The following DDX54 variants were observed in gnomAD, a reference collection of about 807,000 sequenced individuals.
DDX54 encodes DEAD-box helicase 54.
DDX54 carries 67 observed loss-of-function variants against 105.5 expected under a neutral mutation model. The observed-to-expected ratio is 0.64, with a 90% CI of 0.52 to 0.78. The LOEUF (loss-of-function observed/expected upper bound fraction) is 0.78, where lower values mean the gene tolerates loss of function less well. Among genes scored for constraint, DDX54 ranks in the 30% least tolerant of loss-of-function variants. The pLI is 0.00. For missense variants in DDX54, 1,206 were observed against 1,230.5 expected, an observed-to-expected ratio of 0.98 and a Z score of 0.30; for synonymous variants, 514 against 509.9, an observed-to-expected ratio of 1.01 and a Z score of -0.11.
At position 113,163,133 on chromosome 12, in the gene DDX54, C is replaced by T; in HGVS notation, c.2080G>A (p.Gly694Ser). Residue 694 changes from glycine (G) to serine (S), a missense_variant and splice_region_variant, in exon 16 of 20, where the codon GGC becomes AGC. Around this residue, in one of 3 missense-constraint regions of DDX54, gnomAD observed 961 missense variants for 1,019.1 expected, o/e 0.94. Coordinates refer to ENST00000306014, the MANE Select transcript of DDX54 (RefSeq NM_024072.4). The surrounding 1 kb of genome is among the most constrained non-coding windows in gnomAD (Gnocchi z 5.9). ...CCCAGGACCCAGCCAGCCACTCACC[C>T]CCGCTCGCTGTCAAAGTCCTTGGGC... The part of the protein sequence containing the change: ...YRPKDFDSER[G>S]LSISGEGGAF... 6.2e-7 allele frequency: 1 copy of T among 1,612,996 alleles called. No homozygotes were observed. The highest frequency in any genetic ancestry group is 8.5e-7 in the Non-Finnish European group (1 of 1,179,950).
At chr12:113,166,085 C>T in intron 12 of DDX54, 53 bp from the exon 13 acceptor site, 2 of 1,549,558 alleles carry the variant, frequency 1.3e-6, no homozygotes, top group Non-Finnish European at 1.7e-6. Context: ...CCCGCCTGTC[C>T]ACTGCCCGAC....
At chr12:113,172,273 A>T (rs1952349301) in intron 11 of DDX54, 80 bp downstream of exon 11, 20 of 1,488,910 alleles carry the variant, frequency 1.3e-5, no homozygotes, top group Non-Finnish European at 1.7e-5. Context: ...GTGCAGTGTC[A>T]AGAGTTAAGC....
In DDX54 at chr12:113,157,468, AC is replaced by A; in HGVS notation, c.*1408del. ...ATCTCAGTCACCACCTCTGGGAACC[AC>A]CATCATCACTGTTCTTTTAATGAGG... On this transcript the variant is annotated 3_prime_UTR_variant, in exon 20 of 20. Transcript: ENST00000306014. 1.4e-6 allele frequency: 1 copy of A among 715,184 alleles called. No individual in the cohort carries two copies. The highest frequency in any genetic ancestry group is 1.7e-5 in the South Asian group (1 of 58,010). The allele number at this position is 715,184 out of a possible 1,614,324, so 44.3% of individuals were successfully genotyped here.
chr12:113,181,095 G>A (rs1952461518), intron 1 of DDX54, 37 bp from the exon 2 acceptor site: 2 of 1,594,344 alleles, frequency 1.3e-6, no homozygotes. Context: ...GTCACTCCAG[G>A]CACAGTGGGA....
rs1351332692 is a variant in DDX54 at position 113,174,925 on chromosome 12, G to A, written c.886C>T (p.Pro296Ser). The change falls in exon 9 of 20, where the codon CCC (proline) becomes TCC (serine). Residue 296 changes from proline to serine, a missense_variant. This residue lies in a region of DDX54 where 961 missense variants were observed against 1,019.1 expected (regional missense o/e 0.94). Coordinates refer to ENST00000306014, the MANE Select transcript of DDX54 (RefSeq NM_024072.4). ...TCCACGTCAAGCCGGATGAGCACGG[G>A]CTCCGTGAGGCCTGCAGGAGACATG... is the stretch of plus-strand genomic sequence containing the variant. The part of the protein sequence containing the change: ...VEFARAGLTE[P>S]VLIRLDVDTK... 1.9e-6 allele frequency: 3 copies of A among 1,613,400 alleles called. No individual in the cohort carries two copies. The highest frequency in any genetic ancestry group is 2.2e-5 in the South Asian group (2 of 91,010).
At position 113,162,982 on chromosome 12, in the gene DDX54, C is replaced by T; in HGVS notation, c.2145G>A (p.Leu715=). Residue 715 remains leucine (L), a synonymous_variant, in exon 17 of 20, where the codon TTG becomes TTA. Transcript: ENST00000306014. ...TCAGGTTCTGGGCTTCATCCCCCAT[C>T]AAGTCCAGGACAGCGCCAGCTGCCT... is the stretch of plus-strand genomic sequence containing the variant. ...EQQAAGAVLD[L]MGDEAQNLTR... 1 of 1,608,966 alleles carries T rather than the reference C, an allele frequency of 6.2e-7. No individual in the cohort carries two copies. The highest frequency in any genetic ancestry group is 8.5e-7 in the Non-Finnish European group (1 of 1,179,782).
rs1319074655 is a variant in DDX54 at position 113,181,215 on chromosome 12, T to C, written c.175-157A>G. ...TTTTGCTAGTAAGTTCTCCTTTGGCTGGGCCAGGACAGAAGTTTAGAGTGG... is the reference window on the plus strand; with the variant it reads ...TTTTGCTAGTAAGTTCTCCTTTGGCCGGGCCAGGACAGAAGTTTAGAGTGG... On this transcript the variant is annotated intron_variant, in intron 1 of 19. Transcript: ENST00000306014. Among the ~76,000 whole-genome samples, 4 of 152,090 alleles carry C rather than the reference T, an allele frequency of 2.6e-5. 1 individual carries two copies. The highest frequency in any genetic ancestry group is 9.7e-5 in the African/African-American group (4 of 41,406).
At chr12:113,184,086 A>G (rs556406941) in intron 1 of DDX54, among the ~76,000 whole-genome samples, 1 of 152,314 alleles carries the variant, frequency 6.6e-6, no homozygotes, top group African/African-American at 2.4e-5. Flanking sequence ...AGCTGGGATT[A>G]CAGGCACATG....
chr12:113,174,779 G>C lies in DDX54; in HGVS notation c.937-8C>G. The C allele has an allele frequency of 5.0e-6, 8 of 1,614,004 alleles. No homozygotes were observed. The highest frequency in any genetic ancestry group is 6.8e-6 in the Non-Finnish European group (8 of 1,179,852). ...CACGAGGAAGAAGGAGGTCTGTGGG[G>C]AGAGGGCATCACGTGTTGGCTTACG... On this transcript the variant is annotated splice_region_variant and splice_polypyrimidine_tract_variant and intron_variant, in intron 9 of 19. Transcript: ENST00000306014.
rs199556550 is a variant in DDX54, at chr12:113,180,989, G to A, written c.244C>T (p.Arg82Trp). The A allele has an allele frequency of 1.7e-5, 27 of 1,613,578 alleles. No individual in the cohort carries two copies. Among genetic ancestry groups the A allele is most frequent in the Admixed American group, 6.7e-5 (4 of 59,938 alleles). ...ECTSDVEPDT[R>W]EMVRAQNKKK... is the part of the protein sequence containing the mutation. ...TTGTTCTGGGCACGCACCATCTCCC[G>A]GGTGTCCGGCTCCACATCCGAGGTG... The change falls in exon 2 of 20, where the codon CGG becomes TGG. Residue 82 changes from arginine to tryptophan, a missense_variant. Coordinates refer to ENST00000306014, the MANE Select transcript of DDX54 (RefSeq NM_024072.4).
chr12:113,163,278 G>T lies in DDX54; in HGVS notation c.1939-4C>A. 4.4e-6 allele frequency: 7 copies of T among 1,607,560 alleles called. No homozygotes were observed. Among genetic ancestry groups the T allele is most frequent in the African/African-American group, 2.7e-5 (2 of 75,026 alleles). ...CCACGACCTCTGAGAAAATGTCCTGGCAGAGCACAGACCAAGGCCCAGTGT... is the reference window on the plus strand; with the variant it reads ...CCACGACCTCTGAGAAAATGTCCTGTCAGAGCACAGACCAAGGCCCAGTGT... On this transcript the variant is annotated splice_polypyrimidine_tract_variant and splice_region_variant and intron_variant, in intron 15 of 19. Coordinates refer to ENST00000306014, the MANE Select transcript of DDX54 (RefSeq NM_024072.4). This position sits in a 1 kb window ranked among gnomAD's most constrained non-coding sequence, Gnocchi z 5.9.
At chr12:113,164,792 A>C (rs1952253782) in intron 14 of DDX54, among the ~76,000 whole-genome samples, 1 of 152,126 alleles carries the variant, frequency 6.6e-6, no homozygotes, top group Non-Finnish European at 1.5e-5. Flanking sequence ...GCACTTTGGG[A>C]GGCTGAGGCA....
At chr12:113,171,467 G>A (rs1408051896) in intron 11 of DDX54, among the ~76,000 whole-genome samples, 2 of 151,996 alleles carry the variant, frequency 1.3e-5, no homozygotes, top group South Asian at 2.1e-4. Context: ...AGCTGGGCCT[G>A]GTGGCGAGCA....
rs779523401 is a variant in DDX54 at position 113,161,906 on chromosome 12, AGGAGCTGCTGAT to A, written c.2275_2286del (p.Ile759_Ser762del). On this transcript the variant is annotated inframe_deletion, in exon 18 of 20. Coordinates refer to ENST00000306014, the MANE Select transcript of DDX54 (RefSeq NM_024072.4). ...CCCTCAGGATACAGGTCTCGCTTGTAGGAGCTGCTGATGTAGCGGCCGCTCTCTGTCTTAATC... is the reference window on the plus strand; with the variant it reads ...CCCTCAGGATACAGGTCTCGCTTGTAGTAGCGGCCGCTCTCTGTCTTAATC... The A allele has an allele frequency of 3.0e-5, 48 of 1,606,250 alleles. No homozygotes were observed. Among genetic ancestry groups the A allele is most frequent in the Non-Finnish European group, 4.0e-5 (47 of 1,176,666 alleles).
rs1483045111 is a variant in DDX54 at position 113,164,234 on chromosome 12, G to GC, written c.1770dup (p.Arg591AlafsTer44). The GC allele has an allele frequency of 6.3e-7, 1 of 1,593,748 alleles. No homozygotes were observed. The highest frequency in any genetic ancestry group is 8.5e-7 in the Non-Finnish European group (1 of 1,171,338). ...TTGCGGTCCTTCTGCCGCTTGGCGC[G>GC]CATCACCTGGCTGCACAGGTCTCGG... On this transcript the variant is annotated frameshift_variant, in exon 15 of 20. Coordinates refer to ENST00000306014, the MANE Select transcript of DDX54 (RefSeq NM_024072.4). LOFTEE classifies it high-confidence loss of function.
chr12:113,165,913 C>T lies in DDX54; in HGVS notation c.1534G>A (p.Ala512Thr), dbSNP rs756303940. 13 of 1,613,820 alleles carry T rather than the reference C, an allele frequency of 8.1e-6. No homozygotes were observed. The highest frequency in any genetic ancestry group is 6.7e-5 in the Admixed American group (4 of 60,026). ...ACATACTGCTGCTGGGCGTTATCAG[C>T]AACGCGGGCCAGGCCCCGTAGCTCC... ...SLELRGLARV[A>T]DNAQQQYVRS... is the part of the protein sequence containing the mutation. The change falls in exon 13 of 20, where the codon GCT becomes ACT. Residue 512 changes from alanine (A) to threonine (T), a missense_variant. Coordinates refer to ENST00000306014, the MANE Select transcript of DDX54 (RefSeq NM_024072.4).
At position 113,164,246 on chromosome 12, in the gene DDX54, T is replaced by C. The variant is rs35893411; in HGVS notation, c.1759A>G (p.Ser587Gly). 5.4e-4 allele frequency: 857 copies of C among 1,597,336 alleles called. 7 individuals are homozygous for C. The African/African-American group carries it at 0.01, about 19-fold the overall frequency. ...EINASSRDLC[S>G]QVMRAKRQKD... ...TGCCGCTTGGCGCGCATCACCTGGC[T>C]GCACAGGTCTCGGCTGGAGGCGTTG... Residue 587 changes from serine (S) to glycine (G), a missense_variant, in exon 15 of 20, where the codon AGC becomes GGC. Ser to Gly is a moderately conservative substitution (Grantham distance 56). Coordinates refer to ENST00000306014, the MANE Select transcript of DDX54 (RefSeq NM_024072.4).
intron 1 of DDX54, among the ~76,000 whole-genome samples, chr12:113,183,366 C>G (rs916409196): frequency 2.0e-5 from 3 of 152,262 alleles, no homozygotes; most frequent in African/African-American, 7.2e-5. Flanking sequence ...CCCGCCTGTG[C>G]TGTTCATTAC....
At position 113,172,980 on chromosome 12, in the gene DDX54, G is replaced by C. The variant is rs560859912; in HGVS notation, c.1069-417C>G. Among the ~76,000 whole-genome samples, 6 of 152,326 alleles carry C rather than the reference G, an allele frequency of 3.9e-5. No homozygotes were observed. The East Asian group carries it at 1.2e-3, about 29-fold the overall frequency. On this transcript the variant is annotated intron_variant, in intron 10 of 19. Transcript: ENST00000306014. ...CTTATTATGAGGATCACATGAGTCA[G>C]TATATACAGTGCTGAGAACAGAGTC... is the stretch of plus-strand genomic sequence containing the variant.
Sources: gnomAD v4.1 joint callset for allele counts (sites outside exome capture counted in the v4.1 genomes callset) on GRCh38, gnomAD v4.1.1 for gene constraint, gnomAD v4.1.1 regional missense constraint, Gnocchi (gnomAD v3.1) non-coding constraint, MANE v1.5 for transcripts, NCBI Gene and HGNC (gene_info 2026-07-23, HGNC 2026-07-21) for gene names.